The following PCDHA6 variants were observed in gnomAD, a reference collection of about 807,000 sequenced individuals.
PCDHA6 encodes the protein protocadherin alpha 6.
A neutral mutation model predicts 60.3 loss-of-function variants in PCDHA6; 55 were observed. That is an observed-to-expected ratio of 0.91 (90% CI 0.73 to 1.14). The LOEUF (loss-of-function observed/expected upper bound fraction) is 1.14. PCDHA6 is among the 50% of genes most tolerant of loss of function. The pLI is 0.00. For synonymous variants in PCDHA6, 652 were observed against 557.9 expected, an observed-to-expected ratio of 1.17 and a Z score of -2.38; for missense variants, 1,327 against 1,256.5, an observed-to-expected ratio of 1.06 and a Z score of -0.85.
chr5:140,850,290 G>C (rs2150477897), intron 1 of PCDHA6: 1 of 1,595,932 alleles, frequency 6.3e-7, no homozygotes, highest in South Asian at 1.1e-5. Flanking sequence ...CGCAGTGGAC[G>C]CCGACTCGGG....
chr5:140,917,440 C>A (rs913046487), intron 1 of PCDHA6, among the ~76,000 whole-genome samples: 1 of 151,666 alleles, frequency 6.6e-6, no homozygotes, highest in Non-Finnish European at 1.5e-5. Flanking sequence ...TTTGTTTTTG[C>A]TGCAAGAGCG....
chr5:140,950,605 A>T (rs1199751655), intron 1 of PCDHA6, among the ~76,000 whole-genome samples: 1 of 151,926 alleles, frequency 6.6e-6, no homozygotes, highest in Non-Finnish European at 1.5e-5. Flanking sequence ...TTTGACTATG[A>T]TGTGCTTATT....
chr5:140,961,965 C>T (rs1292120191), intron 1 of PCDHA6, among the ~76,000 whole-genome samples: 9 of 151,536 alleles, frequency 5.9e-5, no homozygotes, highest in Non-Finnish European at 8.8e-5. Context: ...CTCACTGCAA[C>T]CTCCGCCTCC....
At chr5:140,842,662 C>A in intron 1 of PCDHA6, 1 of 1,595,426 alleles carries the variant, frequency 6.3e-7, no homozygotes, top group East Asian at 2.2e-5. Context: ...AGGTGGCCGA[C>A]GTGAACGACA....
At chr5:140,870,292 G>A (rs782159013) in intron 1 of PCDHA6, 1 of 1,614,176 alleles carries the variant, frequency 6.2e-7, no homozygotes, top group Non-Finnish European at 8.5e-7. Context: ...CTTCAAGCTG[G>A]TGTCCACCTT....
intron 1 of PCDHA6, chr5:140,830,815 C>T (rs1341950748): frequency 6.4e-6 from 1 of 156,708 alleles, no homozygotes. Context: ...CATTTGTTTG[C>T]CTTTGAGCTT....
chr5:140,968,058 G>A lies in PCDHA6; in HGVS notation c.2395-10891G>A, dbSNP rs532963970. On this transcript the variant is annotated intron_variant, in intron 1 of 3. Transcript: ENST00000529310. The stretch of plus-strand genomic sequence containing the variant: ...GTGAGCGGCCCACTGGACCGAGAGC[G>A]GGTGGCTGTCTACAACATCACGGTG... The A allele has an allele frequency of 1.1e-5, 18 of 1,614,088 alleles. No individual in the cohort carries two copies. The highest frequency in any genetic ancestry group is 4.0e-5 in the African/African-American group (3 of 75,026).
At position 140,849,642 on chromosome 5, in the gene PCDHA6, G is replaced by A. The variant is rs2150443693; in HGVS notation, c.2394+19157G>A. 5 of 1,598,584 alleles carry A rather than the reference G, an allele frequency of 3.1e-6. No individual in the cohort carries two copies. The African/African-American group carries it at 4.0e-5, about 13-fold the overall frequency. Reference sequence around the variant, plus strand: ...GATCGACCTAGACGCAGATGCCAACGGGCAGGTTACCTGCTCCCTGACGCC... The same window carrying A: ...GATCGACCTAGACGCAGATGCCAACAGGCAGGTTACCTGCTCCCTGACGCC... On this transcript the variant is annotated intron_variant, in intron 1 of 3. Coordinates refer to ENST00000529310, the MANE Select transcript of PCDHA6 (RefSeq NM_018909.4).
intron 1 of PCDHA6, chr5:140,849,931 C>T (rs2150458140): frequency 1.9e-6 from 3 of 1,598,012 alleles, no homozygotes; most frequent in Non-Finnish European, 1.7e-6. Flanking sequence ...ACGGTGTCTG[C>T]GCGGGACGCT....
intron 1 of PCDHA6, chr5:140,877,193 G>C: frequency 6.2e-7 from 1 of 1,613,832 alleles, no homozygotes; most frequent in Non-Finnish European, 8.5e-7. Flanking sequence ...GGCAGCGCAG[G>C]AGGCGCAGTT....
chr5:140,958,089 C>A (rs2095409002), intron 1 of PCDHA6, among the ~76,000 whole-genome samples: 1 of 151,872 alleles, frequency 6.6e-6, no homozygotes, highest in African/African-American at 2.4e-5. Context: ...TAAAGTTGTA[C>A]AATAGTGTGT....
chr5:140,869,663 A>G (rs782419090), intron 1 of PCDHA6: 5 of 1,613,538 alleles, frequency 3.1e-6, no homozygotes, highest in Non-Finnish European at 4.2e-6. Flanking sequence ...ACAAATGGTA[A>G]GCAGATTAAA....
chr5:140,849,747 G>A (rs2150448012), intron 1 of PCDHA6: 2 of 1,598,328 alleles, frequency 1.3e-6, no homozygotes, highest in South Asian at 1.1e-5. Flanking sequence ...CCGCGAGAGT[G>A]TGTCCGCCTA....
In PCDHA6 at chr5:140,828,576, T is replaced by G; in HGVS notation, c.485T>G (p.Val162Gly). 1.2e-6 allele frequency: 2 copies of G among 1,614,230 alleles called. No homozygotes were observed. Among genetic ancestry groups the G allele is most frequent in the Non-Finnish European group, 1.7e-6 (2 of 1,180,048 alleles). ...CTGGAGGGCGCGTCCGATGCAGATG[T>G]TGGCTCAAATTCCATCTTAACCTAT... is the stretch of plus-strand genomic sequence containing the variant. ...FPLEGASDAD[V>G]GSNSILTYKL... The change falls in exon 1 of 4, where the codon GTT becomes GGT. Residue 162 changes from valine to glycine, a missense_variant. Val to Gly is a moderately radical substitution (Grantham distance 109). Transcript: ENST00000529310.
intron 1 of PCDHA6, among the ~76,000 whole-genome samples, chr5:140,973,765 G>A (rs1326498499): frequency 6.6e-6 from 1 of 152,230 alleles, no homozygotes; most frequent in African/African-American, 2.4e-5. Context: ...GACACAGCCT[G>A]GCATATTATA....
intron 1 of PCDHA6, among the ~76,000 whole-genome samples, chr5:140,899,260 T>A (rs2153463432): frequency 6.6e-6 from 1 of 152,272 alleles, no homozygotes; most frequent in South Asian, 2.1e-4. Context: ...GGCATCCCTG[T>A]CTTGTGGCAG....
chr5:140,936,272 C>T lies in PCDHA6; in HGVS notation c.2395-42677C>T, dbSNP rs1303356923. 2.0e-5 allele frequency among the ~76,000 whole-genome samples: 3 copies of T among 152,254 alleles called. No individual in the cohort carries two copies. In the East Asian group the frequency reaches 5.8e-4, roughly 29 times the overall value. On this transcript the variant is annotated intron_variant, in intron 1 of 3. Transcript: ENST00000529310. Reference sequence around the variant, plus strand: ...TGCTTCAAGTCATGAAGATATATTCCTGTGTTTTCTTCTATAACATTGCTA... The same window carrying T: ...TGCTTCAAGTCATGAAGATATATTCTTGTGTTTTCTTCTATAACATTGCTA...
chr5:140,974,751 G>A (rs530548991), intron 1 of PCDHA6, among the ~76,000 whole-genome samples: 11 of 152,284 alleles, frequency 7.2e-5, no homozygotes, highest in African/African-American at 2.4e-4. Flanking sequence ...GCCTCCCAAA[G>A]TGCTGGGATT....
chr5:140,972,621 G>T (rs1278363112), intron 1 of PCDHA6, among the ~76,000 whole-genome samples: 1 of 148,458 alleles, frequency 6.7e-6, no homozygotes, highest in South Asian at 2.1e-4. Flanking sequence ...ACTGAATGTT[G>T]TTGGCACTCC....
Sources: gnomAD v4.1 joint callset for allele counts (sites outside exome capture counted in the v4.1 genomes callset) on GRCh38, gnomAD v4.1.1 for gene constraint, MANE v1.5 for transcripts, NCBI Gene and HGNC (gene_info 2026-07-23, HGNC 2026-07-21) for gene names.